The following GRM1 variants were observed in gnomAD, a reference collection of about 807,000 sequenced individuals.
GRM1 encodes metabotropic glutamate receptor 1.
GRM1 carries 33 observed loss-of-function variants against 90.9 expected under a neutral mutation model. The observed-to-expected ratio is 0.36, with a 90% CI of 0.28 to 0.49. The LOEUF (loss-of-function observed/expected upper bound fraction) is 0.49, where lower values mean the gene tolerates loss of function less well. Ranked by LOEUF, GRM1 falls within the 20% of genes least tolerant of loss-of-function variation. The pLI is 0.99. For synonymous variants in GRM1, 700 were observed against 613.2 expected (o/e 1.14, Z -2.09); for missense variants, 1,190 against 1,534.3 (o/e 0.78, Z 3.75).
chr6:146,042,591 A>G (rs1250969488), intron 1 of GRM1, among the ~76,000 whole-genome samples: 2 of 151,994 alleles, frequency 1.3e-5, no homozygotes, highest in East Asian at 3.9e-4. Flanking sequence ...TTTGAAAACA[A>G]CATTTGGTAG....
At chr6:146,281,782 A>G (rs1782577227) in intron 2 of GRM1, among the ~76,000 whole-genome samples, 1 of 152,148 alleles carries the variant, frequency 6.6e-6, no homozygotes, top group African/African-American at 2.4e-5. Context: ...TCTTTCATCT[A>G]TTAATCTGTG....
intron 1 of GRM1, among the ~76,000 whole-genome samples, chr6:146,041,475 G>C (rs566141081): frequency 6.6e-6 from 1 of 152,036 alleles, no homozygotes; most frequent in East Asian, 1.9e-4. Context: ...GCACTAGATG[G>C]TGCCCTAGGC....
intron 7 of GRM1, among the ~76,000 whole-genome samples, chr6:146,417,904 G>C (rs59262068): frequency 2.0e-5 from 3 of 152,106 alleles, no homozygotes; most frequent in Non-Finnish European, 4.4e-5. Context: ...GTCATCTAAA[G>C]TCTCTCTGGA....
At chr6:146,130,596 TTTTA>T (rs1776366093) in intron 1 of GRM1, among the ~76,000 whole-genome samples, 1 of 152,136 alleles carries the variant, frequency 6.6e-6, no homozygotes, top group Non-Finnish European at 1.5e-5. Flanking sequence ...GTTTACTATA[TTTTA>T]TTAATAATAA....
chr6:146,416,780 G>A (rs1187012922), intron 7 of GRM1, among the ~76,000 whole-genome samples: 1 of 152,264 alleles, frequency 6.6e-6, no homozygotes, highest in East Asian at 1.9e-4. Flanking sequence ...TTCCGATGGT[G>A]TACTTGAACC....
intron 3 of GRM1, among the ~76,000 whole-genome samples, chr6:146,350,936 A>C (rs890430709): frequency 2.0e-5 from 3 of 152,172 alleles, no homozygotes; most frequent in African/African-American, 7.2e-5. Context: ...TGGGTATTTT[A>C]TATGTCACTC....
At chr6:146,378,179 C>A (rs1776181489) in intron 5 of GRM1, among the ~76,000 whole-genome samples, 1 of 152,166 alleles carries the variant, frequency 6.6e-6, no homozygotes, top group Non-Finnish European at 1.5e-5. Context: ...AGAACCTCTG[C>A]TAGGGAAGTG....
chr6:146,268,450 C>T (rs1291012915), intron 2 of GRM1, among the ~76,000 whole-genome samples: 2 of 152,084 alleles, frequency 1.3e-5, no homozygotes, highest in Non-Finnish European at 2.9e-5. Flanking sequence ...TATCATTATC[C>T]ATTTACTTAT....
intron 1 of GRM1, among the ~76,000 whole-genome samples, chr6:146,080,681 G>A (rs1776336439): frequency 6.6e-6 from 1 of 152,144 alleles, no homozygotes; most frequent in African/African-American, 2.4e-5. Flanking sequence ...GGGGTTGGGT[G>A]GGAGGACAAG....
chr6:146,249,965 G>A (rs770787945), intron 2 of GRM1, among the ~76,000 whole-genome samples: 1 of 152,206 alleles, frequency 6.6e-6, no homozygotes, highest in Non-Finnish European at 1.5e-5. Flanking sequence ...GGAGCTTTAA[G>A]ATTTAATGAC....
intron 2 of GRM1, among the ~76,000 whole-genome samples, chr6:146,259,443 C>T (rs561460499): frequency 6.6e-6 from 1 of 152,250 alleles, no homozygotes; most frequent in South Asian, 2.1e-4. Flanking sequence ...AAACTTTATA[C>T]CCATTTAGCA....
At chr6:146,087,969 G>A (rs1776599625) in intron 1 of GRM1, among the ~76,000 whole-genome samples, 1 of 152,100 alleles carries the variant, frequency 6.6e-6, no homozygotes, top group Non-Finnish European at 1.5e-5. Flanking sequence ...AAGTGCTATT[G>A]CTCATTTGCA....
At chr6:146,129,655 G>A (rs1776319015) in intron 1 of GRM1, among the ~76,000 whole-genome samples, 1 of 152,190 alleles carries the variant, frequency 6.6e-6, no homozygotes, top group Non-Finnish European at 1.5e-5. Context: ...GTTTGAGATA[G>A]AAGGTTGTGA....
intron 2 of GRM1, among the ~76,000 whole-genome samples, chr6:146,174,219 G>A (rs1379645804): frequency 2.0e-5 from 3 of 151,998 alleles, no homozygotes; most frequent in Non-Finnish European, 4.4e-5. Context: ...TATATTCCCT[G>A]GAAATTGCTA....
chr6:146,162,200 C>G lies in GRM1; in HGVS notation c.950+2603C>G, dbSNP rs917072122. Among the ~76,000 whole-genome samples the G allele has an allele frequency of 2.0e-5, 3 of 152,234 alleles. No homozygotes were observed. In the East Asian group the frequency reaches 5.8e-4, roughly 29 times the overall value. On this transcript the variant is annotated intron_variant, in intron 2 of 7. Coordinates refer to ENST00000282753, the MANE Select transcript of GRM1 (RefSeq NM_001278064.2). The stretch of plus-strand genomic sequence containing the variant: ...ATTGTTTGGTTTCTTTCGTAACACA[C>G]GGTATGATTCTGGCTACTGCCAGAG...
intron 1 of GRM1, among the ~76,000 whole-genome samples, chr6:146,045,861 C>A (rs1791312245): frequency 6.7e-6 from 1 of 149,742 alleles, no homozygotes; most frequent in African/African-American, 2.5e-5. Flanking sequence ...AAGGAAAAAT[C>A]ATTACATTTA....
chr6:146,427,338 A>G (rs1362264844), intron 7 of GRM1, among the ~76,000 whole-genome samples: 1 of 152,236 alleles, frequency 6.6e-6, no homozygotes, highest in East Asian at 1.9e-4. Context: ...TAACAAAAGA[A>G]CATAGACCAT....
At chr6:146,273,636 T>C (rs1286174350) in intron 2 of GRM1, among the ~76,000 whole-genome samples, 1 of 152,186 alleles carries the variant, frequency 6.6e-6, no homozygotes, top group East Asian at 1.9e-4. Flanking sequence ...AGAGTTACAA[T>C]AGTAGTCACA....
chr6:146,389,652 T>C (rs1398978386), intron 6 of GRM1, among the ~76,000 whole-genome samples: 1 of 152,126 alleles, frequency 6.6e-6, no homozygotes, highest in Non-Finnish European at 1.5e-5. Context: ...TGAGCTATCA[T>C]ATGCATAAAA....
Sources: allele counts gnomAD v4.1 joint callset (sites outside exome capture counted in the v4.1 genomes callset), GRCh38; gene constraint gnomAD v4.1.1; transcripts MANE v1.5; gene names NCBI Gene and HGNC (gene_info 2026-07-23, HGNC 2026-07-21).